The following SRGAP2 variants were observed in gnomAD, a reference collection of about 807,000 sequenced individuals.
The protein encoded by SRGAP2 is SLIT-ROBO Rho GTPase activating protein 2, also known as SLIT-ROBO Rho GTPase-activating protein 2.
A neutral mutation model predicts 57.2 loss-of-function variants in SRGAP2; 15 were observed. The observed-to-expected ratio is 0.26, with a 90% CI of 0.18 to 0.40. The LOEUF is 0.40. Among genes scored for constraint, SRGAP2 ranks in the 10% least tolerant of loss-of-function variants. SRGAP2 has a pLI of 1.00. For synonymous variants in SRGAP2, 249 were observed against 248.0 expected (o/e 1.00, Z -0.04); for missense variants, 520 against 669.6 (o/e 0.78, Z 2.47).
chr1:206,358,404 C>T (rs577880685), intron 4 of SRGAP2, among the ~76,000 whole-genome samples: 3 of 149,400 alleles, frequency 2.0e-5, no homozygotes, highest in Admixed American at 6.6e-5. Flanking sequence ...CTTTTTTTAG[C>T]GGTATATTAT....
rs1277555282 is a variant in SRGAP2, at chr1:206,353,485, A to T, written c.423+10477A>T. 5.3e-5 allele frequency among the ~76,000 whole-genome samples: 8 copies of T among 152,038 alleles called. No homozygotes were observed. The South Asian group carries it at 1.7e-3, about 32-fold the overall frequency. On this transcript the variant is annotated intron_variant, in intron 4 of 22. Coordinates refer to ENST00000573034, the MANE Select transcript of SRGAP2 (RefSeq NM_015326.5). ...AACATGGTGAAACCCCGTCTCTACT[A>T]AAAATACAAAAATTAGCTGGGCATG...
intron 13 of SRGAP2, among the ~76,000 whole-genome samples, chr1:206,425,934 C>T (rs746125205): frequency 6.6e-6 from 1 of 151,592 alleles, no homozygotes; most frequent in African/African-American, 2.4e-5. Context: ...GCAACCTCCA[C>T]CTCCTGGATT....
intron 3 of SRGAP2, among the ~76,000 whole-genome samples, chr1:206,307,952 G>A (rs1672359580): frequency 6.6e-6 from 1 of 152,224 alleles, no homozygotes; most frequent in African/African-American, 2.4e-5. Flanking sequence ...TAAAGTGGGA[G>A]CCCAGGCAGG....
At chr1:206,440,789 C>T (rs1319880986) in intron 17 of SRGAP2, among the ~76,000 whole-genome samples, 4 of 152,218 alleles carry the variant, frequency 2.6e-5, no homozygotes, top group Non-Finnish European at 5.9e-5. Context: ...TCGTGATGTG[C>T]CCACCTCAGC....
chr1:206,384,552 C>T (rs1462476390), intron 5 of SRGAP2, among the ~76,000 whole-genome samples: 78 of 152,042 alleles, frequency 5.1e-4, no homozygotes, highest in African/African-American at 1.9e-3. Flanking sequence ...CCTAAATGTC[C>T]CCAGTAAGAG....
chr1:206,372,903 CTT>C (rs1212774419), intron 4 of SRGAP2, among the ~76,000 whole-genome samples: 3 of 4,208 alleles, frequency 7.1e-4, no homozygotes, highest in African/African-American at 7.0e-3. Flanking sequence ...TCTCTCCTTT[CTT>C]TCTTTCTTTC....
rs782243765 is a variant in SRGAP2 at position 206,423,949 on chromosome 1, A to ATTTTTT, written c.1494+2694_1494+2699dup. The stretch of plus-strand genomic sequence containing the variant: ...ACCACCACGCCTGGCTAATTTATGT[A>ATTTTTT]TTTTTTTTTTTTTTTTTTTTTTTTA... On this transcript the variant is annotated intron_variant, in intron 13 of 22. Transcript: ENST00000573034. Among the ~76,000 whole-genome samples, 13 of 87,744 alleles carry ATTTTTT rather than the reference A, an allele frequency of 1.5e-4. 1 individual carries two copies. The highest frequency in any genetic ancestry group is 3.4e-4 in the African/African-American group (8 of 23,690). 57.6% of individuals were successfully genotyped at this position (87,744 alleles called of 152,430 possible).
chr1:206,306,575 C>G (rs1462135608), intron 3 of SRGAP2, among the ~76,000 whole-genome samples: 2 of 152,068 alleles, frequency 1.3e-5, no homozygotes, highest in Non-Finnish European at 2.9e-5. Flanking sequence ...AATGTTGGCT[C>G]GGGCAGCCTG....
At chr1:206,336,067 C>T (rs555215046) in intron 3 of SRGAP2, among the ~76,000 whole-genome samples, 38 of 148,424 alleles carry the variant, frequency 2.6e-4, no homozygotes, top group African/African-American at 8.2e-4. Context: ...TCCTAAGGTC[C>T]GGCTCTTGGG....
intron 2 of SRGAP2, among the ~76,000 whole-genome samples, chr1:206,260,095 T>A (rs1335318714): frequency 1.4e-5 from 1 of 72,348 alleles, no homozygotes; most frequent in Non-Finnish European, 2.8e-5. Flanking sequence ...CACACCTCTG[T>A]TGTTTGTACA....
intron 19 of SRGAP2, among the ~76,000 whole-genome samples, chr1:206,452,093 A>G (rs1663369031): frequency 6.6e-6 from 1 of 152,232 alleles, no homozygotes; most frequent in Non-Finnish European, 1.5e-5. Flanking sequence ...TCATGCACAC[A>G]TACCACTTAC....
intron 4 of SRGAP2, among the ~76,000 whole-genome samples, chr1:206,357,847 C>T (rs1571947094): frequency 1.4e-5 from 2 of 144,172 alleles, no homozygotes; most frequent in African/African-American, 5.2e-5. Flanking sequence ...CTTGGCCTCC[C>T]AAAGTGCTGG....
At chr1:206,268,587 G>A (rs1466902159) in intron 2 of SRGAP2, among the ~76,000 whole-genome samples, 2 of 151,946 alleles carry the variant, frequency 1.3e-5, no homozygotes, top group African/African-American at 4.8e-5. Flanking sequence ...CAGATAAAAA[G>A]GGGAGAATAG....
At chr1:206,340,888 A>G (rs1291637949) in intron 3 of SRGAP2, among the ~76,000 whole-genome samples, 4 of 150,668 alleles carry the variant, frequency 2.7e-5, no homozygotes, top group East Asian at 1.9e-4. Context: ...TTTGATTTCC[A>G]TAGAAATCTT....
intron 16 of SRGAP2, among the ~76,000 whole-genome samples, chr1:206,438,455 G>A (rs566668885): frequency 1.2e-4 from 19 of 152,190 alleles, no homozygotes; most frequent in Middle Eastern, 3.4e-3. Flanking sequence ...AAGCATAAGC[G>A]TTGCAAATAT....
At chr1:206,385,586 CAGA>C (rs774485934) in intron 5 of SRGAP2, among the ~76,000 whole-genome samples, 1 of 150,082 alleles carries the variant, frequency 6.7e-6, no homozygotes, top group African/African-American at 2.5e-5. Context: ...CTCAAGGCAG[CAGA>C]AGAAGACTAC....
intron 4 of SRGAP2, among the ~76,000 whole-genome samples, chr1:206,353,193 G>A (rs1224311196): frequency 6.6e-6 from 1 of 151,978 alleles, no homozygotes; most frequent in Non-Finnish European, 1.5e-5. Context: ...AAAAATTTTT[G>A]GCAAATATTT....
intron 2 of SRGAP2, among the ~76,000 whole-genome samples, chr1:206,244,800 GAAGAA>G (rs1289527871): frequency 6.6e-6 from 1 of 151,802 alleles, no homozygotes; most frequent in East Asian, 1.9e-4. Context: ...GCCCCTCTTA[GAAGAA>G]AAGACATTTT....
Position 206,303,388 on chromosome 1 carries a change from A to G in SRGAP2, c.175A>G (p.Ile59Val). The G allele has an allele frequency of 6.5e-7, 1 of 1,542,850 alleles. No individual in the cohort carries two copies. The highest frequency in any genetic ancestry group is 8.8e-7 in the Non-Finnish European group (1 of 1,142,628). Residue 59 changes from isoleucine (I) to valine (V), a missense_variant, in exon 3 of 23, where the codon ATT (isoleucine) becomes GTT (valine). By Grantham distance (29) the Ile-to-Val change is conservative. Coordinates refer to ENST00000573034, the MANE Select transcript of SRGAP2 (RefSeq NM_015326.5). The part of the protein sequence containing the change: ...LQDFFRKKAE[I>V]EMDYSRNLEK... Reference sequence around the variant, plus strand: ...GGACTTCTTCCGAAAGAAGGCAGAGATTGAGATGGACTACTCCCGCAACCT... The same window carrying G: ...GGACTTCTTCCGAAAGAAGGCAGAGGTTGAGATGGACTACTCCCGCAACCT...
Sources: gnomAD v4.1 joint callset for allele counts (sites outside exome capture counted in the v4.1 genomes callset) on GRCh38, gnomAD v4.1.1 for gene constraint, MANE v1.5 for transcripts, NCBI Gene and HGNC (gene_info 2026-07-23, HGNC 2026-07-21) for gene names.